Variants in VWDE observed in about 807,000 individuals in gnomAD.
VWDE encodes von Willebrand factor D and EGF domains, also known as von Willebrand factor D and EGF domain-containing protein.
VWDE carries 207 observed loss-of-function variants against 178.4 expected under a neutral mutation model. The ratio of observed to expected loss-of-function variants is 1.16; its 90% CI spans 1.04 to 1.30. VWDE has a LOEUF of 1.30. Ranked by LOEUF, VWDE falls within the 50% of genes most tolerant of loss-of-function variation. VWDE has a pLI of 0.00. For missense variants in VWDE, 2,287 were observed against 1,901.3 expected (o/e 1.20, Z -3.77); for synonymous variants, 738 against 651.4 (o/e 1.13, Z -2.02).
chr7:12,372,436 T>G (rs1783258474), intron 10 of VWDE, among the ~76,000 whole-genome samples: 1 of 152,046 alleles, frequency 6.6e-6, no homozygotes, highest in Non-Finnish European at 1.5e-5. Context: ...AATTACTTGT[T>G]TGAAAGATGA....
chr7:12,356,026 G>C, intron 18 of VWDE, 85 bp downstream of exon 18: 1 of 1,021,372 alleles, frequency 9.8e-7, no homozygotes, highest in East Asian at 2.6e-5. Flanking sequence ...AAAATCTTTA[G>C]GACCACACAT....
At chr7:12,393,339 T>C (rs1166141768) in intron 2 of VWDE, among the ~76,000 whole-genome samples, 4 of 152,160 alleles carry the variant, frequency 2.6e-5, no homozygotes, top group South Asian at 4.1e-4. Flanking sequence ...GAAATGATGA[T>C]AGATTGTATG....
Position 12,383,586 on chromosome 7 carries a change from C to A in VWDE, c.491G>T (p.Arg164Leu). The change falls in exon 4 of 29, where the codon CGA (arginine) becomes CTA (leucine). Residue 164 changes from arginine (R) to leucine (L), a missense_variant. Arg to Leu is a moderately radical substitution (Grantham distance 102). Transcript: ENST00000275358. ...TTCATCAGAACCACATGGGTGTAAT[C>A]GTGCATCAGAAATAGCTGCCAAGGG... The part of the protein sequence containing the change: ...GYCAEAISDA[R>L]LHPCGSDETE... The A allele has an allele frequency of 6.4e-7, 1 of 1,550,428 alleles. No homozygotes were observed. Among genetic ancestry groups the A allele is most frequent in the South Asian group, 1.2e-5 (1 of 84,024 alleles).
rs918966036 is a variant in VWDE at position 12,394,176 on chromosome 7, A to G, written c.59-398T>C. Among the ~76,000 whole-genome samples the G allele has an allele frequency of 3.3e-5, 5 of 152,128 alleles. No homozygotes were observed. The East Asian group carries it at 9.6e-4, about 29-fold the overall frequency. On this transcript the variant is annotated intron_variant, in intron 1 of 28. Transcript: ENST00000275358. Reference sequence around the variant, plus strand: ...TATTTCTCTACAACCAGTTTCTCCCAAAGTAGCCACATGCCTAAAAAATTC... The same window carrying G: ...TATTTCTCTACAACCAGTTTCTCCCGAAGTAGCCACATGCCTAAAAAATTC...
In VWDE at chr7:12,383,588, T is replaced by C. The variant is rs1213627013; in HGVS notation, c.489A>G (p.Ala163=). The C allele has an allele frequency of 6.4e-7, 1 of 1,550,546 alleles. No homozygotes were observed. Among genetic ancestry groups the C allele is most frequent in the East Asian group, 2.4e-5 (1 of 40,848 alleles). The part of the protein sequence containing the change: ...MGYCAEAISD[A]RLHPCGSDET... Reference sequence around the variant, plus strand: ...CATCAGAACCACATGGGTGTAATCGTGCATCAGAAATAGCTGCCAAGGGTT... The same window carrying C: ...CATCAGAACCACATGGGTGTAATCGCGCATCAGAAATAGCTGCCAAGGGTT... The change falls in exon 4 of 29, where the codon GCA becomes GCG. Residue 163 remains alanine (A), a synonymous_variant. Coordinates refer to ENST00000275358, the MANE Select transcript of VWDE (RefSeq NM_001135924.3).
intron 16 of VWDE, among the ~76,000 whole-genome samples, chr7:12,358,328 C>T (rs1009686244): frequency 2.7e-5 from 4 of 149,514 alleles, no homozygotes; most frequent in Non-Finnish European, 4.4e-5. Flanking sequence ...GAGCTGAGAT[C>T]GTGCCACTGC....
chr7:12,372,688 CTAATATACTATT>C (rs1562497933), intron 10 of VWDE, among the ~76,000 whole-genome samples: 1 of 152,010 alleles, frequency 6.6e-6, no homozygotes, highest in African/African-American at 2.4e-5. Context: ...TCATCTCTGT[CTAATATACTATT>C]TATTACACGT....
chr7:12,353,052 C>A (rs1299552433), intron 18 of VWDE, among the ~76,000 whole-genome samples: 1 of 152,078 alleles, frequency 6.6e-6, no homozygotes, highest in African/African-American at 2.4e-5. Flanking sequence ...ATTATAATTC[C>A]CCTCCAAAAA....
At chr7:12,363,586 T>A (rs1190037831) in intron 13 of VWDE, among the ~76,000 whole-genome samples, 1 of 152,046 alleles carries the variant, frequency 6.6e-6, no homozygotes, top group African/African-American at 2.4e-5. Context: ...ACACTTTATA[T>A]TAAAAAAAGA....
intron 12 of VWDE, among the ~76,000 whole-genome samples, chr7:12,369,088 G>T (rs892200358): frequency 4.6e-5 from 7 of 152,118 alleles, no homozygotes; most frequent in African/African-American, 1.7e-4. Flanking sequence ...TAGAGAAAAA[G>T]AGTTTTAAGC....
chr7:12,373,682 C>G (rs1783345487), intron 9 of VWDE, among the ~76,000 whole-genome samples: 2 of 152,070 alleles, frequency 1.3e-5, no homozygotes, highest in South Asian at 2.1e-4. Context: ...GTGTTTATAT[C>G]TCTCTTCCCC....
chr7:12,399,329 A>G (rs2128565066), intron 1 of VWDE, among the ~76,000 whole-genome samples: 1 of 152,326 alleles, frequency 6.6e-6, no homozygotes, highest in South Asian at 2.1e-4. Context: ...CTTACCAGAG[A>G]CAAGAGGGAC....
chr7:12,356,140 T>A lies in VWDE; in HGVS notation c.3716A>T (p.Tyr1239Phe). The A allele has an allele frequency of 1.3e-6, 2 of 1,551,458 alleles. No individual in the cohort carries two copies. The highest frequency in any genetic ancestry group is 1.2e-5 in the South Asian group (1 of 84,050). ...LGSYISGFHS[Y>F]SCDCPPELKV... ...GAGCTCAGGTGGACAATCACAGGAA[T>A]AACTGTGAAAACCACTAATATAGCT... The change falls in exon 18 of 29, where the codon TAT becomes TTT. Residue 1239 changes from tyrosine (Y) to phenylalanine (F), a missense_variant. Transcript: ENST00000275358.
intron 9 of VWDE, among the ~76,000 whole-genome samples, chr7:12,373,799 T>C (rs1377875632): frequency 6.6e-6 from 1 of 151,902 alleles, no homozygotes; most frequent in South Asian, 2.1e-4. Context: ...TAATTAATCT[T>C]GTTGAATTGT....
At chr7:12,332,925 A>G (rs181527277) in intron 28 of VWDE, among the ~76,000 whole-genome samples, 7 of 151,980 alleles carry the variant, frequency 4.6e-5, no homozygotes, top group African/African-American at 1.7e-4. Flanking sequence ...TACAACTCCT[A>G]CATATTAACT....
chr7:12,346,854 C>G (rs113960447), intron 19 of VWDE, among the ~76,000 whole-genome samples: 1,797 of 152,050 alleles, frequency 0.012, 45 homozygotes, highest in African/African-American at 0.042. Flanking sequence ...ACACTTAATG[C>G]TTCTCAAAGC....
rs564335595 is a variant in VWDE, at chr7:12,342,391, TAAAC to T, written c.4175-241_4175-238del. On this transcript the variant is annotated intron_variant, in intron 22 of 28. Transcript: ENST00000275358. ...AATAGAAAACCATTGAGCCAAGTGA[TAAAC>T]AAGACTTGGCTATTTGGGAAAATTA... Among the ~76,000 whole-genome samples the T allele has an allele frequency of 1.6e-3, 250 of 152,280 alleles. 2 individuals are homozygous for T. The highest frequency in any genetic ancestry group is 5.7e-3 in the African/African-American group (237 of 41,572).
At chr7:12,362,318 A>G (rs2128553595) in intron 13 of VWDE, among the ~76,000 whole-genome samples, 1 of 152,114 alleles carries the variant, frequency 6.6e-6, no homozygotes, top group East Asian at 1.9e-4. Flanking sequence ...GAATTCAGCT[A>G]CTTTCTTATT....
chr7:12,392,127 G>A (rs1191253899), intron 2 of VWDE, among the ~76,000 whole-genome samples: 1 of 152,176 alleles, frequency 6.6e-6, no homozygotes, highest in Non-Finnish European at 1.5e-5. Context: ...TAAGGGAGAA[G>A]ATCAGGTACA....
Sources: allele counts gnomAD v4.1 joint callset (sites outside exome capture counted in the v4.1 genomes callset), GRCh38; gene constraint gnomAD v4.1.1; transcripts MANE v1.5; gene names NCBI Gene and HGNC (gene_info 2026-07-23, HGNC 2026-07-21).